The following KAZN variants were observed in gnomAD, a reference collection of about 807,000 sequenced individuals.
KAZN encodes the protein kazrin, periplakin interacting protein.
KAZN carries 40 observed loss-of-function variants against 87.4 expected under a neutral mutation model. That is an observed-to-expected ratio of 0.46 (90% CI 0.36 to 0.60). The LOEUF (loss-of-function observed/expected upper bound fraction) is 0.60, where lower values mean the gene tolerates loss of function less well. Among genes scored for constraint, KAZN ranks in the 20% least tolerant of loss-of-function variants. The pLI is 0.00. For synonymous variants in KAZN, 466 were observed against 458.3 expected, an observed-to-expected ratio of 1.02 and a Z score of -0.22; for missense variants, 898 against 1,073.9, an observed-to-expected ratio of 0.84 and a Z score of 2.29.
chr1:14,351,780 C>A (rs941925102), intron 2 of KAZN, among the ~76,000 whole-genome samples: 5 of 152,156 alleles, frequency 3.3e-5, no homozygotes, highest in Admixed American at 6.5e-5. Flanking sequence ...AGCAGCTAGA[C>A]CCCGTATGCA....
chr1:14,169,313 C>T (rs1487814729), intron 1 of KAZN, among the ~76,000 whole-genome samples: 1 of 152,142 alleles, frequency 6.6e-6, no homozygotes, highest in Non-Finnish European at 1.5e-5. Context: ...CCTCCCCTCC[C>T]CTTCCTTCCC....
In KAZN at chr1:14,949,556, G is replaced by T. The variant is rs577567400; in HGVS notation, c.227-11128G>T. On this transcript the variant is annotated intron_variant, in intron 1 of 14. Transcript: ENST00000376030. The surrounding 1 kb of genome is among the most constrained non-coding windows in gnomAD (Gnocchi z 4.3). ...CACCCCCACCCAGATGGTGTTTTTC[G>T]AGATTCACATTCCTCCTGGTGCCAG... Among the ~76,000 whole-genome samples, 1 of 152,134 alleles carries T rather than the reference G, an allele frequency of 6.6e-6. No homozygotes were observed. Among genetic ancestry groups the T allele is most frequent in the Non-Finnish European group, 1.5e-5 (1 of 68,020 alleles).
chr1:14,290,717 A>C (rs1035689389), intron 2 of KAZN, among the ~76,000 whole-genome samples: 1 of 152,068 alleles, frequency 6.6e-6, no homozygotes, highest in African/African-American at 2.4e-5. Flanking sequence ...GCTTTGCTCC[A>C]TTGCTGGCCA....
chr1:14,193,402 G>A (rs894261429), intron 2 of KAZN, among the ~76,000 whole-genome samples: 2 of 152,160 alleles, frequency 1.3e-5, no homozygotes, highest in African/African-American at 4.8e-5. Context: ...TGAGGGATTG[G>A]AGTGATGCGT....
chr1:14,560,287 C>T (rs1036436127), intron 2 of KAZN, among the ~76,000 whole-genome samples: 1 of 152,186 alleles, frequency 6.6e-6, no homozygotes, highest in African/African-American at 2.4e-5. Flanking sequence ...GATTCCCAGA[C>T]CCAGAGCCAG....
intron 1 of KAZN, among the ~76,000 whole-genome samples, chr1:14,915,288 AT>A (rs1657689343): frequency 6.6e-6 from 1 of 152,222 alleles, no homozygotes; most frequent in Non-Finnish European, 1.5e-5. Context: ...CTGTGCATTG[AT>A]TAATTAAATG....
At chr1:13,979,926 GTC>G (rs1386186144) in intron 1 of KAZN, among the ~76,000 whole-genome samples, 2 of 71,958 alleles carry the variant, frequency 2.8e-5, no homozygotes, top group Non-Finnish European at 5.1e-5. Context: ...GCAAGACTCC[GTC>G]TCAAAAAAAA....
chr1:14,496,915 C>G (rs1669973391), intron 2 of KAZN, among the ~76,000 whole-genome samples: 1 of 152,014 alleles, frequency 6.6e-6, no homozygotes, highest in Non-Finnish European at 1.5e-5. Flanking sequence ...AGGTGTGACT[C>G]TACAGAGATT....
At chr1:13,923,765 A>C (rs1210055360) in intron 1 of KAZN, among the ~76,000 whole-genome samples, 1 of 151,128 alleles carries the variant, frequency 6.6e-6, no homozygotes, top group Non-Finnish European at 1.5e-5. Flanking sequence ...AGGCAGGCAC[A>C]CTTGATGTCA....
chr1:14,544,719 A>T (rs558614993), intron 2 of KAZN, among the ~76,000 whole-genome samples: 7 of 150,932 alleles, frequency 4.6e-5, no homozygotes, highest in African/African-American at 9.8e-5. Context: ...CTCAGAAGAC[A>T]TCCCTTGGCT....
chr1:14,199,445 A>G (rs1408402726), intron 2 of KAZN, among the ~76,000 whole-genome samples: 1 of 152,096 alleles, frequency 6.6e-6, no homozygotes, highest in African/African-American at 2.4e-5. Flanking sequence ...TGACTACACT[A>G]TTGCATATAG....
At chr1:14,562,157 A>G (rs1332138366) in intron 2 of KAZN, among the ~76,000 whole-genome samples, 1 of 152,212 alleles carries the variant, frequency 6.6e-6, no homozygotes, top group Non-Finnish European at 1.5e-5. Flanking sequence ...TGGCAAATAA[A>G]TTGAAATCTT....
chr1:14,714,695 G>A (rs1406179463), intron 1 of KAZN, among the ~76,000 whole-genome samples: 1 of 152,042 alleles, frequency 6.6e-6, no homozygotes, highest in Non-Finnish European at 1.5e-5. Flanking sequence ...TACCTGCTCT[G>A]TGCTCTTCCT....
At chr1:14,402,031 A>G (rs371493208) in intron 2 of KAZN, among the ~76,000 whole-genome samples, 6 of 151,984 alleles carry the variant, frequency 3.9e-5, no homozygotes, top group Non-Finnish European at 7.4e-5. Context: ...ATAGATAGGC[A>G]TAAGAATCAA....
At chr1:14,435,569 C>T (rs888229779) in intron 2 of KAZN, among the ~76,000 whole-genome samples, 12 of 152,304 alleles carry the variant, frequency 7.9e-5, no homozygotes, top group Admixed American at 3.3e-4. Context: ...TTCCTTTGCC[C>T]CTGCCTTCAC....
chr1:15,100,262 A>C (rs1640997521), intron 10 of KAZN, among the ~76,000 whole-genome samples: 1 of 152,170 alleles, frequency 6.6e-6, no homozygotes, highest in Non-Finnish European at 1.5e-5. Flanking sequence ...CAGGGTGGTC[A>C]CGGGATGCTG....
chr1:14,217,351 A>G (rs1646980066), intron 2 of KAZN, among the ~76,000 whole-genome samples: 1 of 152,158 alleles, frequency 6.6e-6, no homozygotes, highest in Non-Finnish European at 1.5e-5. Context: ...AAATTTAAAA[A>G]TGCTACTAAT....
In KAZN at chr1:15,084,519, C is replaced by T. The variant is rs140985649; in HGVS notation, c.1223-9661C>T. The stretch of plus-strand genomic sequence containing the variant: ...ACAAAAAACAAAAGCTGTAAGCTAA[C>T]ACCAGAACAGGAGCAGTGAGTGATC... On this transcript the variant is annotated intron_variant, in intron 8 of 14. Transcript: ENST00000376030. Among the ~76,000 whole-genome samples the T allele has an allele frequency of 3.2e-3, 494 of 152,348 alleles. 5 individuals carry two copies. The highest frequency in any genetic ancestry group is 0.011 in the African/African-American group (476 of 41,580).
In KAZN at chr1:14,238,534, A is replaced by C. The variant is rs191665298; in HGVS notation, c.249+57942A>C. On this transcript the variant is annotated intron_variant, in intron 2 of 16. Transcript: ENST00000636203. ...TCAGGCCTGGTGGTCACATACCAACATGTTAACAAACAAACAAGCAACAAC... is the reference window on the plus strand; with the variant it reads ...TCAGGCCTGGTGGTCACATACCAACCTGTTAACAAACAAACAAGCAACAAC... Among the ~76,000 whole-genome samples, 8 of 152,372 alleles carry C rather than the reference A, an allele frequency of 5.3e-5. No homozygotes were observed. In the East Asian group the frequency reaches 1.5e-3, roughly 29 times the overall value.
Sources: allele counts gnomAD v4.1 joint callset (sites outside exome capture counted in the v4.1 genomes callset), GRCh38; gene constraint gnomAD v4.1.1; non-coding constraint Gnocchi (gnomAD v3.1); transcripts MANE v1.5; gene names NCBI Gene and HGNC (gene_info 2026-07-23, HGNC 2026-07-21).